Variants in GTF2B observed in about 807,000 individuals in gnomAD.
The protein encoded by GTF2B is transcription initiation factor IIB.
A neutral mutation model predicts 34.6 loss-of-function variants in GTF2B; 20 were observed. The ratio of observed to expected loss-of-function variants is 0.58; its 90% confidence interval spans 0.41 to 0.84. The LOEUF (loss-of-function observed/expected upper bound fraction) is 0.84. Among genes scored for constraint, GTF2B ranks in the 40% least tolerant of loss-of-function variants. The probability of loss-of-function intolerance (pLI) is 0.00; values close to 1 mark genes in which losing one functional copy is unlikely to be tolerated. For synonymous variants in GTF2B, 142 were observed against 132.4 expected, an observed-to-expected ratio of 1.07 and a Z score of -0.50; for missense variants, 237 against 393.3, an observed-to-expected ratio of 0.60 and a Z score of 3.36.
intron 6 of GTF2B, among the ~76,000 whole-genome samples, chr1:88,854,858 T>C (rs1486588164): frequency 2.6e-5 from 4 of 152,244 alleles, no homozygotes; most frequent in African/African-American, 9.6e-5. Context: ...CAGTGAGGTT[T>C]TAGTGATTTT....
intron 2 of GTF2B, among the ~76,000 whole-genome samples, chr1:88,884,139 G>A (rs1249343604): frequency 6.7e-6 from 1 of 149,680 alleles, no homozygotes; most frequent in Admixed American, 6.8e-5. Flanking sequence ...ACAATTCTCT[G>A]CCTCAGCCTC....
At chr1:88,866,482 C>T (rs2810883) in intron 2 of GTF2B, among the ~76,000 whole-genome samples, 75,743 of 152,038 alleles carry the variant, frequency 0.5, 19,856 homozygotes, top group Middle Eastern at 0.69. Flanking sequence ...AATTTTGGCT[C>T]ACTGCAGCTT....
intron 2 of GTF2B, among the ~76,000 whole-genome samples, chr1:88,875,031 T>C (rs1206734982): frequency 1.3e-5 from 2 of 152,208 alleles, no homozygotes; most frequent in African/African-American, 4.8e-5. Context: ...TTCCACACTT[T>C]CTGTGGTCAT....
intron 6 of GTF2B, among the ~76,000 whole-genome samples, chr1:88,856,281 A>C (rs552168461): frequency 5.8e-5 from 7 of 120,438 alleles, no homozygotes; most frequent in South Asian, 2.4e-4. Context: ...ACAAAAAAAA[A>C]AAAAAAAAAC....
At chr1:88,870,195 G>A (rs1274348940) in intron 2 of GTF2B, among the ~76,000 whole-genome samples, 2 of 152,176 alleles carry the variant, frequency 1.3e-5, no homozygotes, top group Admixed American at 1.3e-4. Context: ...CAAAGTGCTG[G>A]GATTACAGGC....
intron 3 of GTF2B, among the ~76,000 whole-genome samples, chr1:88,863,689 A>C (rs767082787): frequency 5.9e-5 from 9 of 152,296 alleles, no homozygotes; most frequent in Middle Eastern, 6.8e-3. Context: ...GAACATATCA[A>C]TATTAACTCA....
At chr1:88,866,353 T>C (rs749556237) in intron 2 of GTF2B, among the ~76,000 whole-genome samples, 3 of 152,162 alleles carry the variant, frequency 2.0e-5, no homozygotes, top group Non-Finnish European at 4.4e-5. Context: ...CTGTCTAAAG[T>C]AAGCAAATGC....
chr1:88,871,232 A>C lies in GTF2B; in HGVS notation c.125-7118T>G, dbSNP rs572251540. Among the ~76,000 whole-genome samples, 134 of 152,278 alleles carry C rather than the reference A, an allele frequency of 8.8e-4. No individual in the cohort carries two copies. In the Middle Eastern group the frequency reaches 0.017, roughly 19 times the overall value. ...TGTCTTCTTATGTTGTAAAAAGCTA[A>C]TCACAGTTGTTTGAGAGCTATTATA... On this transcript the variant is annotated intron_variant, in intron 2 of 6. Coordinates refer to ENST00000370500, the MANE Select transcript of GTF2B (RefSeq NM_001514.6).
At chr1:88,884,296 G>C (rs1231130564) in intron 2 of GTF2B, among the ~76,000 whole-genome samples, 1 of 152,162 alleles carries the variant, frequency 6.6e-6, no homozygotes, top group Non-Finnish European at 1.5e-5. Context: ...AAAGTGCTGG[G>C]ATTACAGGCG....
rs960496000 is a variant in GTF2B, at chr1:88,891,558, C to G, written c.-59G>C. ...CAACAGACACACCGAAAGCAGGAAG[C>G]GAATGTGGCGAAGAGACGCGCAGAG... is the stretch of plus-strand genomic sequence containing the variant. On this transcript the variant is annotated 5_prime_UTR_variant, in exon 1 of 7. Coordinates refer to ENST00000370500, the MANE Select transcript of GTF2B (RefSeq NM_001514.6). 30 of 1,498,072 alleles carry G rather than the reference C, an allele frequency of 2.0e-5. No homozygotes were observed. The highest frequency in any genetic ancestry group is 1.2e-5 in the Non-Finnish European group (13 of 1,089,206). 92.8% of individuals were successfully genotyped at this position (1,498,072 alleles called of 1,614,324 possible).
chr1:88,856,288 A>AAAAAAAAAAAAAAAG (rs1673309831), intron 6 of GTF2B, among the ~76,000 whole-genome samples: 1 of 94,644 alleles, frequency 1.1e-5, no homozygotes, highest in Non-Finnish European at 2.0e-5. Context: ...AAAAAAAAAA[A>AAAAAAAAAAAAAAAG]AACAAAAAAA....
chr1:88,856,325 C>A (rs1570716661), intron 6 of GTF2B, among the ~76,000 whole-genome samples: 2 of 126,108 alleles, frequency 1.6e-5, no homozygotes, highest in South Asian at 5.9e-4. Context: ...TCACTTAATA[C>A]TTCTGGTGAA....
chr1:88,884,011 G>A (rs1191772233), intron 2 of GTF2B, among the ~76,000 whole-genome samples: 2 of 148,600 alleles, frequency 1.3e-5, no homozygotes, highest in Admixed American at 6.8e-5. Context: ...CTTCTGTCAA[G>A]CTCAGCACTG....
In GTF2B at chr1:88,889,752, C is replaced by G. The variant is rs190216799; in HGVS notation, c.17+1731G>C. Among the ~76,000 whole-genome samples the G allele has an allele frequency of 2.5e-3, 378 of 152,314 alleles. 2 individuals are homozygous for G. Among genetic ancestry groups the G allele is most frequent in the African/African-American group, 8.9e-3 (371 of 41,556 alleles). ...ATTATATTTAGGCTGGGCGCAGTGG[C>G]TCATGCCTGTTACCACAGCACTTTG... On this transcript the variant is annotated intron_variant, in intron 1 of 6. Transcript: ENST00000370500.
intron 5 of GTF2B, 29 bp downstream of exon 5, chr1:88,859,853 A>G (rs1057077641): frequency 1.2e-6 from 2 of 1,600,754 alleles, no homozygotes; most frequent in South Asian, 1.1e-5. Context: ...CAAACAAACA[A>G]ACACAAAAAA....
chr1:88,868,491 G>A (rs937645550), intron 2 of GTF2B, among the ~76,000 whole-genome samples: 10 of 150,466 alleles, frequency 6.6e-5, no homozygotes, highest in Non-Finnish European at 1.5e-4. Flanking sequence ...CACCCAATAT[G>A]TGTATTTATG....
intron 1 of GTF2B, among the ~76,000 whole-genome samples, chr1:88,891,175 A>G (rs1439017459): frequency 1.3e-5 from 2 of 151,148 alleles, no homozygotes; most frequent in Admixed American, 6.6e-5. Flanking sequence ...GAGAAAATAA[A>G]GGGAGATTGA....
Position 88,890,501 on chromosome 1 carries a change from C to G in GTF2B, c.17+982G>C, listed in dbSNP as rs79538596. ...GATAGCAGGGTCAGAAAAATAGTGC[C>G]AGAGTTCCAGAAGCTGTAGAATTAA... On this transcript the variant is annotated intron_variant, in intron 1 of 6. Coordinates refer to ENST00000370500, the MANE Select transcript of GTF2B (RefSeq NM_001514.6). 1.3e-4 allele frequency among the ~76,000 whole-genome samples: 20 copies of G among 152,262 alleles called. No individual in the cohort carries two copies. In the East Asian group the frequency reaches 3.9e-3, roughly 29 times the overall value.
intron 5 of GTF2B, among the ~76,000 whole-genome samples, chr1:88,859,222 T>C (rs1673383998): frequency 6.6e-6 from 1 of 152,124 alleles, no homozygotes; most frequent in African/African-American, 2.4e-5. Context: ...GTGCTAGAAA[T>C]GGAAACTGTT....
Sources: allele counts gnomAD v4.1 joint callset (sites outside exome capture counted in the v4.1 genomes callset), GRCh38; gene constraint gnomAD v4.1.1; transcripts MANE v1.5; gene names NCBI Gene and HGNC (gene_info 2026-07-23, HGNC 2026-07-21).